The following TJP1 variants were observed in gnomAD, a reference collection of about 807,000 sequenced individuals.
TJP1 encodes the protein tight junction protein 1.
A neutral mutation model predicts 194.2 loss-of-function variants in TJP1; 43 were observed. That is an observed-to-expected ratio of 0.22 (90% CI 0.17 to 0.29). The LOEUF is 0.29. Among genes scored for constraint, TJP1 ranks in the 10% least tolerant of loss-of-function variants. TJP1 has a pLI of 1.00. For missense variants in TJP1, 1,971 were observed against 2,185.7 expected, an observed-to-expected ratio of 0.90 and a Z score of 1.96; for synonymous variants, 801 against 779.0, an observed-to-expected ratio of 1.03 and a Z score of -0.47.
Position 29,738,854 on chromosome 15 carries a change from C to T in TJP1, c.1257-1440G>A, listed in dbSNP as rs529048605. On this transcript the variant is annotated intron_variant, in intron 10 of 27. Coordinates refer to ENST00000614355, the MANE Select transcript of TJP1 (RefSeq NM_001330239.4). ...CCAGCCCTGATCAACACAGCAAGAC[C>T]CTGTCACTACTAAAAAAAAAAAAAA... 6.4e-4 allele frequency among the ~76,000 whole-genome samples: 73 copies of T among 114,166 alleles called. 1 individual carries two copies. In the South Asian group the frequency reaches 0.022, roughly 34 times the overall value. 74.9% of individuals were successfully genotyped at this position (114,166 alleles called of 152,430 possible).
intron 2 of TJP1, among the ~76,000 whole-genome samples, chr15:29,910,229 C>G (rs1423385958): frequency 6.6e-6 from 1 of 152,172 alleles, no homozygotes; most frequent in Non-Finnish European, 1.5e-5. Flanking sequence ...TTACAGAAAC[C>G]TGAGAAGAAA....
chr15:29,838,841 T>C (rs931120232), intron 2 of TJP1, among the ~76,000 whole-genome samples: 1 of 152,150 alleles, frequency 6.6e-6, no homozygotes, highest in African/African-American at 2.4e-5. Context: ...TGTTACTTCA[T>C]GAACATTACA....
chr15:29,915,017 A>T (rs1213303666), intron 2 of TJP1, among the ~76,000 whole-genome samples: 1 of 152,180 alleles, frequency 6.6e-6, no homozygotes. Context: ...CTGTTGTTCA[A>T]TGAATACTCT....
chr15:29,720,350 C>T lies in TJP1; in HGVS notation c.2763+8G>A, dbSNP rs771115519. Reference sequence around the variant, plus strand: ...CTATCTACAAAACGTTGAATGCTTGCTGCTTACCTGTTGAGAGGCTGGCTT... The same window carrying T: ...CTATCTACAAAACGTTGAATGCTTGTTGCTTACCTGTTGAGAGGCTGGCTT... On this transcript the variant is annotated splice_region_variant and intron_variant, in intron 19 of 27. Coordinates refer to ENST00000614355, the MANE Select transcript of TJP1 (RefSeq NM_001330239.4). 1 of 1,557,922 alleles carries T rather than the reference C, an allele frequency of 6.4e-7. No individual in the cohort carries two copies. Among genetic ancestry groups the T allele is most frequent in the South Asian group, 1.2e-5 (1 of 81,206 alleles).
chr15:29,718,982 G>A lies in TJP1; in HGVS notation c.3160C>T (p.Leu1054Phe), dbSNP rs772769303. The change falls in exon 21 of 28, where the codon CTC becomes TTC. Residue 1054 changes from leucine to phenylalanine, a missense_variant. By Grantham distance (22) the Leu-to-Phe change is conservative. Around this residue, in one of 5 missense-constraint regions of TJP1, gnomAD observed 1,108 missense variants for 1,128.5 expected, o/e 0.98. Coordinates refer to ENST00000614355, the MANE Select transcript of TJP1 (RefSeq NM_001330239.4). ...PYVEKQASRD[L>F]EQPTYRYESS... ...TCGTATCTGTATGTGGGCTGCTCGA[G>A]GTCTCTGCTGGCTTGTTTCTCTACG... 1.2e-6 allele frequency: 2 copies of A among 1,614,188 alleles called. No homozygotes were observed. Among genetic ancestry groups the A allele is most frequent in the South Asian group, 1.1e-5 (1 of 91,076 alleles).
At chr15:29,838,219 G>A (rs981597564) in intron 2 of TJP1, among the ~76,000 whole-genome samples, 7 of 152,214 alleles carry the variant, frequency 4.6e-5, no homozygotes, top group Non-Finnish European at 5.9e-5. Context: ...GAGGCCATGA[G>A]TTCAAGACTA....
intron 2 of TJP1, among the ~76,000 whole-genome samples, chr15:29,846,112 C>T (rs538361355): frequency 1.3e-4 from 20 of 152,282 alleles, no homozygotes; most frequent in African/African-American, 4.8e-4. Flanking sequence ...GCCTCCTGAC[C>T]CCTCCAATGC....
intron 2 of TJP1, among the ~76,000 whole-genome samples, chr15:29,908,520 C>T (rs1229807323): frequency 1.3e-5 from 2 of 152,208 alleles, no homozygotes; most frequent in African/African-American, 4.8e-5. Context: ...CTGATGTCCA[C>T]CCCTGCAGCC....
At chr15:29,806,138 A>G (rs2049097076) in intron 1 of TJP1, among the ~76,000 whole-genome samples, 3 of 152,192 alleles carry the variant, frequency 2.0e-5, no homozygotes, top group Admixed American at 6.5e-5. Flanking sequence ...TGAGAAAGGG[A>G]AACCAGTTAG....
chr15:29,802,813 T>C (rs1017038897), intron 1 of TJP1, among the ~76,000 whole-genome samples: 4 of 152,318 alleles, frequency 2.6e-5, no homozygotes, highest in African/African-American at 9.6e-5. Flanking sequence ...CCAGTGACAT[T>C]GTTTTACTGC....
At chr15:29,955,658 G>A (rs554177124) in intron 2 of TJP1, among the ~76,000 whole-genome samples, 1 of 149,672 alleles carries the variant, frequency 6.7e-6, no homozygotes, top group South Asian at 2.1e-4. Flanking sequence ...GGCTGATGTG[G>A]GAGGATCACA....
intron 2 of TJP1, among the ~76,000 whole-genome samples, chr15:29,866,724 A>G (rs2052316296): frequency 2.0e-5 from 3 of 152,390 alleles, no homozygotes; most frequent in South Asian, 4.1e-4. Context: ...ATTAAAAAAT[A>G]TAATTTGTCT....
In TJP1 at chr15:29,802,568, G is replaced by GTT. The variant is rs56088390; in HGVS notation, c.28-1868_28-1867dup. ...TGAGACCTCCACTGGAAACAAAGCT[G>GTT]TTTTTTTTTTTTTAAACAAACATTG... is the stretch of plus-strand genomic sequence containing the variant. On this transcript the variant is annotated intron_variant, in intron 1 of 27. Coordinates refer to ENST00000614355, the MANE Select transcript of TJP1 (RefSeq NM_001330239.4). Among the ~76,000 whole-genome samples, 31 of 141,214 alleles carry GTT rather than the reference G, an allele frequency of 2.2e-4. No individual in the cohort carries two copies. In the South Asian group the frequency reaches 2.5e-3, roughly 11 times the overall value. The allele number at this position is 141,214 out of a possible 152,430, so 92.6% of individuals were successfully genotyped here.
At chr15:29,881,390 T>A (rs2052922976) in intron 2 of TJP1, among the ~76,000 whole-genome samples, 2 of 152,238 alleles carry the variant, frequency 1.3e-5, no homozygotes, top group Admixed American at 1.3e-4. Flanking sequence ...CTCCCCACTC[T>A]GTAGGCTGCC....
At chr15:29,887,274 CATATATAATATAAATATATACATAT>C (rs1174329002) in intron 2 of TJP1, among the ~76,000 whole-genome samples, 5 of 147,176 alleles carry the variant, frequency 3.4e-5, no homozygotes, top group African/African-American at 9.9e-5. Flanking sequence ...TAAATATATA[CATATATAATATAAATATATACATAT>C]ATATGTATAT....
At chr15:29,702,076 A>G (rs574391425) in intron 27 of TJP1, among the ~76,000 whole-genome samples, 1 of 151,710 alleles carries the variant, frequency 6.6e-6, no homozygotes, top group East Asian at 1.9e-4. Context: ...CAGAGCCCAC[A>G]TAATTATCAG....
At chr15:29,733,901 G>T (rs2043839043) in intron 12 of TJP1, among the ~76,000 whole-genome samples, 1 of 152,146 alleles carries the variant, frequency 6.6e-6, no homozygotes, top group Non-Finnish European at 1.5e-5. Context: ...GTTTTCTCTT[G>T]AATTAATGCT....
intron 2 of TJP1, among the ~76,000 whole-genome samples, chr15:29,776,756 T>C (rs918162963): frequency 6.6e-6 from 1 of 152,208 alleles, no homozygotes; most frequent in Non-Finnish European, 1.5e-5. Context: ...TTTAAAATCA[T>C]GTGTTAATAT....
intron 2 of TJP1, among the ~76,000 whole-genome samples, chr15:29,876,758 C>T (rs1030329702): frequency 2.6e-5 from 4 of 152,110 alleles, no homozygotes; most frequent in African/African-American, 4.8e-5. Context: ...GTAAAAACCA[C>T]GTGGACTGCT....
Sources: gnomAD v4.1 joint callset for allele counts (sites outside exome capture counted in the v4.1 genomes callset) on GRCh38, gnomAD v4.1.1 for gene constraint, gnomAD v4.1.1 regional missense constraint, MANE v1.5 for transcripts, NCBI Gene and HGNC (gene_info 2026-07-23, HGNC 2026-07-21) for gene names.